The following MEF2A variants were observed in gnomAD, a reference collection of about 807,000 sequenced individuals.
MEF2A encodes the protein myocyte-specific enhancer factor 2A.
In MEF2A, 28 loss-of-function variants were observed where a neutral mutation model predicts 55.8. The observed-to-expected ratio is 0.50, with a 90% CI of 0.37 to 0.69. MEF2A has a LOEUF of 0.69. Ranked by LOEUF, MEF2A falls within the 30% of genes least tolerant of loss-of-function variation. The pLI, the probability that MEF2A is intolerant of heterozygous loss-of-function variation, is 0.00. For missense variants in MEF2A, 528 were observed against 626.2 expected (o/e 0.84, Z 1.67); for synonymous variants, 239 against 227.1 (o/e 1.05, Z -0.47).
chr15:99,633,288 T>TA, intron 3 of MEF2A, 115 bp downstream of exon 3: 1 of 653,696 alleles, frequency 1.5e-6, no homozygotes, highest in Non-Finnish European at 2.4e-6. Context: ...TATTTTTAGT[T>TA]ACAGACTAAA....
rs146214609 is a variant in MEF2A at position 99,575,143 on chromosome 15, A to G, written c.-225+9039A>G. 4.8e-3 allele frequency among the ~76,000 whole-genome samples: 726 copies of G among 152,232 alleles called. 28 individuals are homozygous for G. The highest frequency in any genetic ancestry group is 1.1e-3 in the Non-Finnish European group (77 of 68,014). On this transcript the variant is annotated intron_variant, in intron 1 of 11. Transcript: ENST00000557942. The stretch of plus-strand genomic sequence containing the variant: ...CCCTTACCCCTAAATACTTCAACTG[A>G]TATCTCCTAATAAGGGCATATTCTT...
At chr15:99,658,367 A>G (rs1298817933) in intron 4 of MEF2A, among the ~76,000 whole-genome samples, 1 of 152,208 alleles carries the variant, frequency 6.6e-6, no homozygotes, top group African/African-American at 2.4e-5. Context: ...AAGATAGAAG[A>G]AATTATCTAG....
In MEF2A at chr15:99,714,821, CA is replaced by C. The variant is rs1597366201; in HGVS notation, c.*2053del. 5 of 82,236 alleles carry C rather than the reference CA, an allele frequency of 6.1e-5. No homozygotes were observed. The highest frequency in any genetic ancestry group is 9.8e-5 in the Non-Finnish European group (4 of 40,926). The allele number at this position is 82,236 out of a possible 1,614,324, so 5.1% of individuals were successfully genotyped here. A position where few individuals can be genotyped will look rare whatever the true frequency, so the allele number is the denominator to read the frequency against. On this transcript the variant is annotated 3_prime_UTR_variant, in exon 12 of 12. Transcript: ENST00000557942. ...TGTTCCCCCCCCCCCACCCCCCCCCCAAATTACGTTCCTTTTGACATTTTCC... is the reference window on the plus strand; with the variant it reads ...TGTTCCCCCCCCCCCACCCCCCCCCCAATTACGTTCCTTTTGACATTTTCC...
intron 5 of MEF2A, among the ~76,000 whole-genome samples, chr15:99,673,634 G>A (rs2051313892): frequency 1.3e-5 from 2 of 152,094 alleles, no homozygotes; most frequent in African/African-American, 4.8e-5. Flanking sequence ...TGGAGGAAAT[G>A]CAAGATGAAA....
intron 3 of MEF2A, among the ~76,000 whole-genome samples, chr15:99,640,640 T>G (rs78199364): frequency 2.0e-5 from 3 of 149,872 alleles, no homozygotes; most frequent in African/African-American, 7.4e-5. Flanking sequence ...CACTGCAGCC[T>G]TGACCTCCTG....
intron 2 of MEF2A, among the ~76,000 whole-genome samples, chr15:99,613,920 T>C (rs2039739283): frequency 6.6e-6 from 1 of 152,192 alleles, no homozygotes; most frequent in African/African-American, 2.4e-5. Context: ...ACTCATGAAA[T>C]TGGGGTTAGA....
intron 1 of MEF2A, among the ~76,000 whole-genome samples, chr15:99,582,698 C>A (rs1351563346): frequency 6.6e-6 from 1 of 152,032 alleles, no homozygotes; most frequent in Non-Finnish European, 1.5e-5. Context: ...GCTGAGCTTT[C>A]GACATATGGC....
Position 99,712,623 on chromosome 15 carries a change from G to C in MEF2A, c.1370G>C (p.Ser457Thr). The C allele has an allele frequency of 6.4e-7, 1 of 1,552,244 alleles. No homozygotes were observed. The highest frequency in any genetic ancestry group is 8.7e-7 in the Non-Finnish European group (1 of 1,147,292). ...GGGCGCTCCCCTGTGGACAGTCTGA[G>C]CAGCTCTAGTAGCTCCTATGATGGC... is the stretch of plus-strand genomic sequence containing the variant. ...EMGRSPVDSL[S>T]SSSSSYDGSD... is the part of the protein sequence containing the mutation. The change falls in exon 12 of 12, where the codon AGC becomes ACC. Residue 457 changes from serine to threonine, a missense_variant. Physicochemically the swap from Ser to Thr is moderately conservative, Grantham distance 58. Transcript: ENST00000557942. This position sits in a 1 kb window ranked among gnomAD's most constrained non-coding sequence, Gnocchi z 4.1.
chr15:99,712,910 GGTGTGAGTGTGTAT>G lies in MEF2A; in HGVS notation c.*145_*158del. On this transcript the variant is annotated 3_prime_UTR_variant, in exon 12 of 12. Coordinates refer to ENST00000557942, the MANE Select transcript of MEF2A (RefSeq NM_001319206.4). The surrounding 1 kb of genome is among the most constrained non-coding windows in gnomAD (Gnocchi z 4.1). The stretch of plus-strand genomic sequence containing the variant: ...ATCCCTTTACATATATATGTATGTG[GGTGTGAGTGTGTAT>G]GTGTGGGTGTGTGTTACATACACAG... 3 of 926,704 alleles carry G rather than the reference GGTGTGAGTGTGTAT, an allele frequency of 3.2e-6. No individual in the cohort carries two copies. In the South Asian group the frequency reaches 5.4e-5, roughly 17 times the overall value. The allele number at this position is 926,704 out of a possible 1,614,324, so 57.4% of individuals were successfully genotyped here.
At chr15:99,652,026 A>G (rs571315437) in intron 4 of MEF2A, among the ~76,000 whole-genome samples, 1 of 152,314 alleles carries the variant, frequency 6.6e-6, no homozygotes, top group East Asian at 1.9e-4. Context: ...TTACCATCAG[A>G]TAAAGTGTTC....
intron 3 of MEF2A, among the ~76,000 whole-genome samples, chr15:99,636,409 C>T (rs1195867113): frequency 2.0e-5 from 3 of 152,090 alleles, no homozygotes; most frequent in Non-Finnish European, 2.9e-5. Context: ...TGCAGTGGTG[C>T]GATCATAGGT....
chr15:99,708,944 T>G (rs1409570013), intron 10 of MEF2A, among the ~76,000 whole-genome samples: 1 of 152,072 alleles, frequency 6.6e-6, no homozygotes, highest in African/African-American at 2.4e-5. Context: ...AGGTAAGTAA[T>G]GATTTGTAGA....
intron 1 of MEF2A, among the ~76,000 whole-genome samples, chr15:99,594,183 C>T (rs907711535): frequency 3.9e-5 from 6 of 152,216 alleles, no homozygotes; most frequent in Non-Finnish European, 7.3e-5. Context: ...GTGATCAGTA[C>T]TTCTGATCAA....
intron 1 of MEF2A, among the ~76,000 whole-genome samples, chr15:99,573,286 CAA>C (rs66573508): frequency 1.1e-3 from 92 of 86,598 alleles, no homozygotes; most frequent in Middle Eastern, 0.01. Flanking sequence ...GACTCCGTCT[CAA>C]AAAAAAAAAA....
intron 4 of MEF2A, among the ~76,000 whole-genome samples, chr15:99,665,731 C>CAAAAAAAAAAAAAAAAAAAAAAAAAAA (rs752473261): frequency 1.4e-3 from 29 of 20,206 alleles, no homozygotes; most frequent in South Asian, 2.0e-3. Context: ...CTTAAATTTA[C>CAAAAAAAAAAAAAAAAAAAAAAAAAAA]AAAAAAAAAA....
At chr15:99,676,764 G>T (rs1381880438) in intron 7 of MEF2A, among the ~76,000 whole-genome samples, 1 of 152,050 alleles carries the variant, frequency 6.6e-6, no homozygotes, top group African/African-American at 2.4e-5. Flanking sequence ...TAGAGACGGA[G>T]TTTCACCGTG....
At chr15:99,653,204 A>G (rs1293272987) in intron 4 of MEF2A, among the ~76,000 whole-genome samples, 1 of 152,184 alleles carries the variant, frequency 6.6e-6, no homozygotes, top group Admixed American at 6.5e-5. Context: ...AGTCTAAATG[A>G]TCTTTCAGTT....
At chr15:99,672,053 A>C (rs905603441) in intron 5 of MEF2A, among the ~76,000 whole-genome samples, 4 of 152,214 alleles carry the variant, frequency 2.6e-5, no homozygotes, top group African/African-American at 9.7e-5. Flanking sequence ...TGACTTAAAA[A>C]CATATGTGTT....
chr15:99,658,924 C>T (rs1390950938), intron 4 of MEF2A, among the ~76,000 whole-genome samples: 1 of 152,016 alleles, frequency 6.6e-6, no homozygotes, highest in East Asian at 1.9e-4. Flanking sequence ...CATCGAATGA[C>T]CAGATGATCT....
Sources: gnomAD v4.1 joint callset for allele counts (sites outside exome capture counted in the v4.1 genomes callset) on GRCh38, gnomAD v4.1.1 for gene constraint, Gnocchi (gnomAD v3.1) non-coding constraint, MANE v1.5 for transcripts, NCBI Gene and HGNC (gene_info 2026-07-23, HGNC 2026-07-21) for gene names.